COPS2: variants seen among roughly 807,000 people sequenced by gnomAD.
COPS2 encodes the protein COP9 signalosome subunit 2.
In COPS2, 10 loss-of-function variants were observed where a neutral mutation model predicts 66.1. That is an observed-to-expected ratio of 0.15 (90% CI 0.09 to 0.26). The LOEUF is 0.26. Ranked by LOEUF, COPS2 falls within the 10% of genes least tolerant of loss-of-function variation. The pLI is 1.00. For synonymous variants in COPS2, 179 were observed against 171.3 expected, an observed-to-expected ratio of 1.04 and a Z score of -0.35; for missense variants, 215 against 513.3, an observed-to-expected ratio of 0.42 and a Z score of 5.62.
rs2084163395 is a variant in COPS2 at position 49,126,095 on chromosome 15, A to T, written c.*1855T>A. 6.6e-6 allele frequency: 1 copy of T among 152,550 alleles called. No homozygotes were observed. The highest frequency in any genetic ancestry group is 1.5e-5 in the Non-Finnish European group (1 of 67,954). The allele number at this position is 152,550 out of a possible 1,614,324, so 9.4% of individuals were successfully genotyped here. Reference sequence around the variant, plus strand: ...GGGTCTCCAAATTATATTGAAAAATAAATCCTAATTAATATCACTCTTGTA... The same window carrying T: ...GGGTCTCCAAATTATATTGAAAAATTAATCCTAATTAATATCACTCTTGTA... On this transcript the variant is annotated 3_prime_UTR_variant, in exon 13 of 13. Transcript: ENST00000388901.
Position 49,128,688 on chromosome 15 carries a change from A to T in COPS2, c.1187+14T>A. On this transcript the variant is annotated intron_variant, in intron 12 of 12. Coordinates refer to ENST00000388901, the MANE Select transcript of COPS2 (RefSeq NM_004236.4). ...TACCAAATATTTTGTGATAAAAAAT[A>T]GTAAAGTACTTACTTATCCAATATG... 6.4e-7 allele frequency: 1 copy of T among 1,562,882 alleles called. No homozygotes were observed. Among genetic ancestry groups the T allele is most frequent in the Non-Finnish European group, 8.7e-7 (1 of 1,143,760 alleles).
At chr15:49,144,734 G>T (rs2084310135) in intron 2 of COPS2, among the ~76,000 whole-genome samples, 1 of 152,154 alleles carries the variant, frequency 6.6e-6, no homozygotes, top group Non-Finnish European at 1.5e-5. Flanking sequence ...TGGTTCTTCT[G>T]CCAGAACCAT....
In COPS2 at chr15:49,134,306, A is replaced by G. The variant is rs1195021294; in HGVS notation, c.715+34T>C. ...TAATTAAACACTTTGATATCTCCCC[A>G]TGCCACTGCCCACCCTCTCCAAACC... On this transcript the variant is annotated intron_variant, in intron 7 of 12. Coordinates refer to ENST00000388901, the MANE Select transcript of COPS2 (RefSeq NM_004236.4). The G allele has an allele frequency of 3.1e-6, 5 of 1,600,442 alleles. No homozygotes were observed. In the South Asian group the frequency reaches 4.5e-5, roughly 14 times the overall value.
Position 49,129,549 on chromosome 15 carries a change from T to A in COPS2, c.1056A>T (p.Arg352=), listed in dbSNP as rs1156554911. The change falls in exon 11 of 13, where the codon CGA becomes CGT. Residue 352 remains arginine, a synonymous_variant. Coordinates refer to ENST00000388901, the MANE Select transcript of COPS2 (RefSeq NM_004236.4). ...FIREHIEELL[R]NIRTQVLIKL... is the part of the protein sequence containing the mutation. ...TTATAAGCACTTGTGTTCTGATGTT[T>A]CGCAAAAGCTCTGAAAGACAAAAAA... 6.7e-7 allele frequency: 1 copy of A among 1,499,788 alleles called. No homozygotes were observed. The highest frequency in any genetic ancestry group is 8.9e-7 in the Non-Finnish European group (1 of 1,119,764). The allele number at this position is 1,499,788 out of a possible 1,614,324, so 92.9% of individuals were successfully genotyped here. A position where few individuals can be genotyped will look rare whatever the true frequency, so the allele number is the denominator to read the frequency against.
At chr15:49,147,329 T>G (rs1037209359) in intron 1 of COPS2, among the ~76,000 whole-genome samples, 3 of 152,152 alleles carry the variant, frequency 2.0e-5, no homozygotes, top group Non-Finnish European at 4.4e-5. Context: ...TGAAAAGTAT[T>G]TCTGATTTAC....
intron 1 of COPS2, among the ~76,000 whole-genome samples, chr15:49,147,790 T>C (rs1298105485): frequency 6.6e-6 from 1 of 152,132 alleles, no homozygotes; most frequent in Admixed American, 6.6e-5. Flanking sequence ...CCTCTTCGTT[T>C]TGTGACTACA....
At position 49,123,980 on chromosome 15, in the gene COPS2, A is replaced by AT. The variant is rs2084143581; in HGVS notation, c.*3969dup. On this transcript the variant is annotated 3_prime_UTR_variant, in exon 13 of 13. Transcript: ENST00000388901. ...TCCTCCAAATGGCATTTAAACTCACATTTTAATGGCCCAAGAAGTTACTAT... is the reference window on the plus strand; with the variant it reads ...TCCTCCAAATGGCATTTAAACTCACATTTTTAATGGCCCAAGAAGTTACTAT... 1 of 152,238 alleles carries AT rather than the reference A, an allele frequency of 6.6e-6. No homozygotes were observed. Among genetic ancestry groups the AT allele is most frequent in the African/African-American group, 2.4e-5 (1 of 41,462 alleles). 9.4% of individuals were successfully genotyped at this position (152,238 alleles called of 1,614,324 possible). A position where few individuals can be genotyped will look rare whatever the true frequency, so the allele number is the denominator to read the frequency against.
At chr15:49,144,091 C>A in intron 3 of COPS2, 136 bp downstream of exon 3, 1 of 659,130 alleles carries the variant, frequency 1.5e-6, no homozygotes, top group East Asian at 2.8e-5. Flanking sequence ...TACTATAGTC[C>A]CAACTGCAGA....
In COPS2 at chr15:49,153,242, A is replaced by G. The variant is rs536381485; in HGVS notation, c.54+2283T>C. On this transcript the variant is annotated intron_variant, in intron 1 of 12. Transcript: ENST00000388901. ...GGAGTTTGGGCCCAGCCTGAGTAAC[A>G]CAGCAAAATCCCATCTCTAAAAATA... Among the ~76,000 whole-genome samples, 23 of 152,306 alleles carry G rather than the reference A, an allele frequency of 1.5e-4. No homozygotes were observed. The South Asian group carries it at 4.8e-3, about 32-fold the overall frequency.
chr15:49,129,138 AAGAAAAC>A (rs1292752153), intron 11 of COPS2, among the ~76,000 whole-genome samples: 2 of 152,100 alleles, frequency 1.3e-5, no homozygotes, highest in Admixed American at 1.3e-4. Flanking sequence ...AATTTATGCC[AAGAAAAC>A]AGAAAAATTC....
intron 3 of COPS2, among the ~76,000 whole-genome samples, chr15:49,142,612 T>C (rs1595823912): frequency 6.6e-6 from 1 of 152,362 alleles, no homozygotes; most frequent in African/African-American, 2.4e-5. Context: ...CCTGCTCATC[T>C]GAGCTTCAAC....
At chr15:49,150,405 T>C (rs1199352001) in intron 1 of COPS2, among the ~76,000 whole-genome samples, 1 of 152,172 alleles carries the variant, frequency 6.6e-6, no homozygotes, top group East Asian at 1.9e-4. Context: ...AACATTTATA[T>C]TGAATACATG....
intron 10 of COPS2, among the ~76,000 whole-genome samples, chr15:49,130,162 C>T (rs2084197822): frequency 6.6e-6 from 1 of 152,074 alleles, no homozygotes; most frequent in African/African-American, 2.4e-5. Flanking sequence ...TCCAAATGGT[C>T]ATTTAAAAAC....
intron 4 of COPS2, among the ~76,000 whole-genome samples, chr15:49,138,327 CTCTCTATT>C (rs2084267841): frequency 1.2e-5 from 1 of 80,524 alleles, no homozygotes; most frequent in Admixed American, 1.7e-4. Context: ...TCAGAAAACA[CTCTCTATT>C]TATGCATGAC....
chr15:49,134,628 CA>C, intron 6 of COPS2, 114 bp from the exon 7 acceptor site: 3 of 859,272 alleles, frequency 3.5e-6, no homozygotes, highest in Non-Finnish European at 5.2e-6. Flanking sequence ...AAACACAACA[CA>C]AATTTTAATT....
chr15:49,153,417 C>T (rs1169859378), intron 1 of COPS2, among the ~76,000 whole-genome samples: 1 of 151,788 alleles, frequency 6.6e-6, no homozygotes, highest in Non-Finnish European at 1.5e-5. Context: ...AGAATGCTGG[C>T]AAGAAAGTGG....
At chr15:49,135,427 A>G (rs2084244143) in intron 6 of COPS2, among the ~76,000 whole-genome samples, 2 of 152,164 alleles carry the variant, frequency 1.3e-5, no homozygotes, top group South Asian at 4.1e-4. Context: ...CAAAAAGTTC[A>G]CACTCTAGTA....
intron 3 of COPS2, among the ~76,000 whole-genome samples, chr15:49,142,797 A>G (rs1485754946): frequency 1.3e-5 from 2 of 152,178 alleles, no homozygotes; most frequent in East Asian, 1.9e-4. Flanking sequence ...TTTCTCTAGA[A>G]TAAGTTATGA....
At chr15:49,139,936 T>C (rs2084280136) in intron 3 of COPS2, among the ~76,000 whole-genome samples, 1 of 152,178 alleles carries the variant, frequency 6.6e-6, no homozygotes, top group African/African-American at 2.4e-5. Flanking sequence ...CATATTTAAA[T>C]CATAAAACCT....
Sources: allele counts gnomAD v4.1 joint callset (sites outside exome capture counted in the v4.1 genomes callset), GRCh38; gene constraint gnomAD v4.1.1; transcripts MANE v1.5; gene names NCBI Gene and HGNC (gene_info 2026-07-23, HGNC 2026-07-21).